The following NCMAP variants were observed in gnomAD, a reference collection of about 807,000 sequenced individuals.
NCMAP encodes non-compact myelin associated protein.
Under a neutral mutation model 7.8 loss-of-function variants are expected in NCMAP, and 8 were observed. That is an observed-to-expected ratio of 1.02 (90% CI 0.60 to 1.84). The LOEUF is 1.84. Ranked by LOEUF, NCMAP falls within the 40% of genes most tolerant of loss-of-function variation. The pLI, the probability that NCMAP is intolerant of heterozygous loss-of-function variation, is 0.00. For missense variants in NCMAP, 112 were observed against 131.4 expected (o/e 0.85, Z 0.72); for synonymous variants, 41 against 52.9 (o/e 0.78, Z 0.98).
intron 1 of NCMAP, among the ~76,000 whole-genome samples, chr1:24,592,006 G>C (rs1652062150): frequency 6.6e-6 from 1 of 152,234 alleles, no homozygotes; most frequent in African/African-American, 2.4e-5. Context: ...AGAGCTGGGA[G>C]AGCAGGAAAG....
In NCMAP at chr1:24,600,963, G is replaced by C. The variant is rs142867139; in HGVS notation, c.106G>C (p.Val36Leu). Residue 36 changes from valine to leucine, a missense_variant, in exon 3 of 4, where the codon GTT becomes CTT. Val to Leu is a conservative substitution (Grantham distance 32, BLOSUM62 1). Transcript: ENST00000374392. ...YKSSGAIVAA[V>L]VVVVIIIFTV... ...AGGTTCTGGAGCCATTGTTGCTGCC[G>C]TTGTGGTGGTTGTCATCATCATCTT... is the stretch of plus-strand genomic sequence containing the variant. 3.1e-6 allele frequency: 5 copies of C among 1,613,988 alleles called. No homozygotes were observed. The Admixed American group carries it at 5.0e-5, about 16-fold the overall frequency.
intron 1 of NCMAP, among the ~76,000 whole-genome samples, chr1:24,569,065 AT>A (rs897550660): frequency 2.1e-4 from 32 of 150,900 alleles, no homozygotes; most frequent in African/African-American, 7.6e-4. Context: ...CAATGGTGCG[AT>A]CTCAGCTCAC....
chr1:24,566,927 A>C (rs1651243219), intron 1 of NCMAP, among the ~76,000 whole-genome samples: 2 of 152,092 alleles, frequency 1.3e-5, no homozygotes, highest in Non-Finnish European at 2.9e-5. Context: ...ATGGCCCAAA[A>C]ACCCTTTGCC....
intron 1 of NCMAP, among the ~76,000 whole-genome samples, chr1:24,560,826 G>T (rs1368551331): frequency 6.6e-6 from 1 of 151,954 alleles, no homozygotes; most frequent in Admixed American, 6.6e-5. Flanking sequence ...GTTTCCTAAG[G>T]TTTCAACTTG....
chr1:24,589,539 ACC>A, intron 1 of NCMAP: 1 of 152,478 alleles, frequency 6.6e-6, no homozygotes, highest in South Asian at 2.1e-4. Flanking sequence ...GACAGTCTGC[ACC>A]TGGAACTCGG....
rs866301506 is a variant in NCMAP at position 24,576,781 on chromosome 1, G to A, written c.-7-18643G>A. Among the ~76,000 whole-genome samples the A allele has an allele frequency of 7.2e-5, 11 of 152,222 alleles. No homozygotes were observed. Among genetic ancestry groups the A allele is most frequent in the East Asian group, 1.9e-4 (1 of 5,188 alleles). ...CTCTGTTGGAGTTTTCAAGATGGCC[G>A]TGTTAAGTAGGTGAGGTAGTGAGCC... On this transcript the variant is annotated intron_variant, in intron 1 of 3. Coordinates refer to ENST00000374392, the MANE Select transcript of NCMAP (RefSeq NM_001010980.5). This position sits in a 1 kb window ranked among gnomAD's most constrained non-coding sequence, Gnocchi z 4.0.
chr1:24,585,872 G>C (rs750549421), intron 1 of NCMAP, among the ~76,000 whole-genome samples: 1 of 152,134 alleles, frequency 6.6e-6, no homozygotes, highest in Non-Finnish European at 1.5e-5. Flanking sequence ...TCCCCTCCTT[G>C]GGACACCAGC....
intron 3 of NCMAP, among the ~76,000 whole-genome samples, chr1:24,601,958 G>A (rs1181145759): frequency 2.6e-5 from 4 of 151,770 alleles, no homozygotes; most frequent in African/African-American, 9.7e-5. Context: ...GGAGAATGGC[G>A]TGAACCTGGG....
rs553593796 is a variant in NCMAP, at chr1:24,566,894, C to T, written c.-8+10725C>T. ...TTCTGGAAATTCCAGTCCATAGCTT[C>T]TAGATCCCCTCTTGGATGCCTCATG... is the stretch of plus-strand genomic sequence containing the variant. On this transcript the variant is annotated intron_variant, in intron 1 of 3. Transcript: ENST00000374392. 3.3e-5 allele frequency among the ~76,000 whole-genome samples: 5 copies of T among 152,290 alleles called. No individual in the cohort carries two copies. The South Asian group carries it at 1.0e-3, about 32-fold the overall frequency.
Position 24,604,644 on chromosome 1 carries a change from AT to A in NCMAP, c.168-961del, listed in dbSNP as rs564735481. Among the ~76,000 whole-genome samples the A allele has an allele frequency of 1.1e-4, 10 of 92,646 alleles. 3 individuals are homozygous for A. Among genetic ancestry groups the A allele is most frequent in the African/African-American group, 5.4e-4 (10 of 18,398 alleles). 60.8% of individuals were successfully genotyped at this position (92,646 alleles called of 152,430 possible). A position where few individuals can be genotyped will look rare whatever the true frequency, so the allele number is the denominator to read the frequency against. ...TATATATATATATATATATATATATATATATATATGTCAGCAAGATGAAATA... is the reference window on the plus strand; with the variant it reads ...TATATATATATATATATATATATATAATATATATGTCAGCAAGATGAAATA... On this transcript the variant is annotated intron_variant, in intron 3 of 3. Coordinates refer to ENST00000374392, the MANE Select transcript of NCMAP (RefSeq NM_001010980.5).
intron 2 of NCMAP, 75 bp downstream of exon 2, chr1:24,595,587 A>G: frequency 8.2e-7 from 1 of 1,223,698 alleles, no homozygotes; most frequent in African/African-American, 1.5e-5. Context: ...AGAGGTTAAG[A>G]GTGTGGGCTC....
At chr1:24,563,810 T>C (rs1011355282) in intron 1 of NCMAP, 16 of 152,298 alleles carry the variant, frequency 1.1e-4, no homozygotes, top group African/African-American at 3.9e-4. Context: ...ATACGTTGTC[T>C]GCACTGGACA....
chr1:24,573,417 G>T (rs920040148), intron 1 of NCMAP, among the ~76,000 whole-genome samples: 6 of 150,540 alleles, frequency 4.0e-5, no homozygotes, highest in Non-Finnish European at 7.4e-5. Context: ...GCGAAACCCT[G>T]TCTCTACTAA....
intron 1 of NCMAP, among the ~76,000 whole-genome samples, chr1:24,570,439 G>C (rs1256142754): frequency 6.6e-6 from 1 of 150,804 alleles, no homozygotes; most frequent in African/African-American, 2.5e-5. Context: ...AGGCTGGAGT[G>C]AGCCGTGATT....
In NCMAP at chr1:24,576,688, A is replaced by T. The variant is rs2148929500; in HGVS notation, c.-7-18736A>T. Among the ~76,000 whole-genome samples the T allele has an allele frequency of 6.6e-6, 1 of 152,246 alleles. No individual in the cohort carries two copies. Among genetic ancestry groups the T allele is most frequent in the East Asian group, 1.9e-4 (1 of 5,176 alleles). The stretch of plus-strand genomic sequence containing the variant: ...CCCCAGGTCACACAGAAAGTAAGTA[A>T]CAGGGGTGAGACTAGAACCCAGGAT... On this transcript the variant is annotated intron_variant, in intron 1 of 3. Transcript: ENST00000374392. The surrounding 1 kb of genome is among the most constrained non-coding windows in gnomAD (Gnocchi z 4.0).
chr1:24,604,784 G>C (rs1652662987), intron 3 of NCMAP, among the ~76,000 whole-genome samples: 1 of 149,344 alleles, frequency 6.7e-6, no homozygotes, highest in South Asian at 2.1e-4. Context: ...TTCAAGACCA[G>C]CCTGGCCAAC....
At chr1:24,594,400 C>A (rs560465426) in intron 1 of NCMAP, among the ~76,000 whole-genome samples, 3 of 152,134 alleles carry the variant, frequency 2.0e-5, no homozygotes, top group Non-Finnish European at 2.9e-5. Flanking sequence ...CAAGCTCCAC[C>A]TCCTACTTGT....
intron 1 of NCMAP, among the ~76,000 whole-genome samples, chr1:24,581,992 C>T (rs1421085923): frequency 6.6e-6 from 1 of 152,166 alleles, no homozygotes; most frequent in Non-Finnish European, 1.5e-5. Flanking sequence ...CTAAGACTTA[C>T]ATGAAATCAG....
In NCMAP at chr1:24,607,123, T is replaced by C. The variant is rs1652792127; in HGVS notation, c.*1376T>C. 1 of 151,570 alleles carries C rather than the reference T, an allele frequency of 6.6e-6. No homozygotes were observed. The highest frequency in any genetic ancestry group is 1.5e-5 in the Non-Finnish European group (1 of 68,028). 9.4% of individuals were successfully genotyped at this position (151,570 alleles called of 1,614,324 possible). A position where few individuals can be genotyped will look rare whatever the true frequency, so the allele number is the denominator to read the frequency against. Reference sequence around the variant, plus strand: ...GATGCTCCCTCCTCAGCCTCCAGAGTAGCTGGGACTACAGGTATGTGTCAC... The same window carrying C: ...GATGCTCCCTCCTCAGCCTCCAGAGCAGCTGGGACTACAGGTATGTGTCAC... On this transcript the variant is annotated 3_prime_UTR_variant, in exon 4 of 4. Transcript: ENST00000374392.
Sources: allele counts gnomAD v4.1 joint callset (sites outside exome capture counted in the v4.1 genomes callset), GRCh38; gene constraint gnomAD v4.1.1; non-coding constraint Gnocchi (gnomAD v3.1); transcripts MANE v1.5; gene names NCBI Gene and HGNC (gene_info 2026-07-23, HGNC 2026-07-21).